The following NXPH1 variants were observed in gnomAD, a reference collection of about 807,000 sequenced individuals.
NXPH1 encodes the protein neurexophilin-1.
In NXPH1, 5 loss-of-function variants were observed where a neutral mutation model predicts 23.7. That is an observed-to-expected ratio of 0.21 (90% CI 0.11 to 0.44). The LOEUF is 0.44. NXPH1 is among the 20% of genes least tolerant of loss of function. NXPH1 has a pLI of 0.99. For missense variants in NXPH1, 324 were observed against 321.6 expected, an observed-to-expected ratio of 1.01 and a Z score of -0.06; for synonymous variants, 144 against 122.2, an observed-to-expected ratio of 1.18 and a Z score of -1.18.
chr7:8,613,494 G>T (rs1033911319), intron 2 of NXPH1, among the ~76,000 whole-genome samples: 1 of 151,690 alleles, frequency 6.6e-6, no homozygotes, highest in African/African-American at 2.4e-5. Context: ...GAACACAGAG[G>T]GTATTTTTAT....
intron 2 of NXPH1, among the ~76,000 whole-genome samples, chr7:8,615,934 G>A (rs1221167148): frequency 6.6e-6 from 1 of 152,060 alleles, no homozygotes; most frequent in Non-Finnish European, 1.5e-5. Context: ...AGGTGAAGCA[G>A]TAGACTTCTA....
At chr7:8,484,685 A>G (rs1817129350) in intron 2 of NXPH1, among the ~76,000 whole-genome samples, 1 of 152,172 alleles carries the variant, frequency 6.6e-6, no homozygotes, top group Non-Finnish European at 1.5e-5. Flanking sequence ...TCAAGGTATC[A>G]CTTTTGAGAA....
In NXPH1 at chr7:8,643,965, C is replaced by T. The variant is rs138299215; in HGVS notation, c.55-107043C>T. 1.3e-3 allele frequency among the ~76,000 whole-genome samples: 200 copies of T among 152,170 alleles called. 1 individual carries two copies. The highest frequency in any genetic ancestry group is 4.6e-3 in the African/African-American group (192 of 41,518). On this transcript the variant is annotated intron_variant, in intron 2 of 2. Coordinates refer to ENST00000405863, the MANE Select transcript of NXPH1 (RefSeq NM_152745.3). ...TTTTGCTAATAGTAATACTGTAGCA[C>T]GTGCTCATAGAGGGCTTTCTTTGGG...
At chr7:8,573,278 G>A (rs1008817608) in intron 2 of NXPH1, among the ~76,000 whole-genome samples, 1 of 152,024 alleles carries the variant, frequency 6.6e-6, no homozygotes, top group Non-Finnish European at 1.5e-5. Context: ...GGGTTTTTAT[G>A]TACTGATAAG....
intron 2 of NXPH1, among the ~76,000 whole-genome samples, chr7:8,474,939 G>A (rs1428620511): frequency 1.3e-5 from 2 of 152,086 alleles, no homozygotes; most frequent in Non-Finnish European, 2.9e-5. Context: ...CAGAATGAAT[G>A]CTCCTGAGGC....
At chr7:8,473,995 G>A (rs553013919) in intron 2 of NXPH1, among the ~76,000 whole-genome samples, 5 of 152,154 alleles carry the variant, frequency 3.3e-5, no homozygotes, top group Non-Finnish European at 7.4e-5. Context: ...ACTCACCAGT[G>A]AGTGGACAGC....
At chr7:8,524,689 T>G (rs912441673) in intron 2 of NXPH1, among the ~76,000 whole-genome samples, 6 of 152,184 alleles carry the variant, frequency 3.9e-5, no homozygotes, top group Non-Finnish European at 4.4e-5. Context: ...GGGGCCGATC[T>G]TTCCCATGCT....
At chr7:8,578,358 G>A (rs182250421) in intron 2 of NXPH1, among the ~76,000 whole-genome samples, 2 of 152,094 alleles carry the variant, frequency 1.3e-5, no homozygotes, top group Admixed American at 6.5e-5. Flanking sequence ...TCAAATCATC[G>A]TTAAGTCAGG....
chr7:8,448,682 C>T (rs529552469), intron 2 of NXPH1, among the ~76,000 whole-genome samples: 11 of 152,072 alleles, frequency 7.2e-5, no homozygotes, highest in Non-Finnish European at 1.3e-4. Flanking sequence ...CCGGGTGTGG[C>T]GGCACATGCC....
intron 2 of NXPH1, among the ~76,000 whole-genome samples, chr7:8,451,761 A>G (rs995098806): frequency 6.6e-6 from 1 of 152,224 alleles, no homozygotes; most frequent in Non-Finnish European, 1.5e-5. Flanking sequence ...TGATTAAATT[A>G]TATCATCGTC....
At chr7:8,570,312 A>G (rs1260807710) in intron 2 of NXPH1, among the ~76,000 whole-genome samples, 1 of 151,858 alleles carries the variant, frequency 6.6e-6, no homozygotes, top group Non-Finnish European at 1.5e-5. Context: ...CTAGCACTAG[A>G]CCTTTTGGAC....
At chr7:8,602,574 T>G (rs1819384831) in intron 2 of NXPH1, among the ~76,000 whole-genome samples, 1 of 152,244 alleles carries the variant, frequency 6.6e-6, no homozygotes, top group Admixed American at 6.5e-5. Flanking sequence ...TGCTTTACTC[T>G]GCTATTCAGC....
intron 2 of NXPH1, among the ~76,000 whole-genome samples, chr7:8,708,997 C>G (rs1287546315): frequency 6.6e-6 from 1 of 152,102 alleles, no homozygotes; most frequent in East Asian, 1.9e-4. Context: ...GCACTGGACA[C>G]CATGACCAAA....
chr7:8,598,855 A>G (rs1819290185), intron 2 of NXPH1, among the ~76,000 whole-genome samples: 1 of 152,072 alleles, frequency 6.6e-6, no homozygotes, highest in Non-Finnish European at 1.5e-5. Context: ...AGCCAGCCTA[A>G]TTGCTTCTGA....
At chr7:8,527,049 CAA>C (rs34797196) in intron 2 of NXPH1, among the ~76,000 whole-genome samples, 4 of 150,956 alleles carry the variant, frequency 2.6e-5, no homozygotes, top group South Asian at 2.1e-4. Flanking sequence ...TGCCCCTTAC[CAA>C]AAAAAAAATG....
chr7:8,722,629 T>G (rs1164371569), intron 2 of NXPH1, among the ~76,000 whole-genome samples: 1 of 152,220 alleles, frequency 6.6e-6, no homozygotes. Context: ...GCCAGCAAAG[T>G]TAAGCAAGTT....
intron 2 of NXPH1, among the ~76,000 whole-genome samples, chr7:8,652,088 G>T (rs548524678): frequency 6.6e-6 from 1 of 152,060 alleles, no homozygotes; most frequent in African/African-American, 2.4e-5. Flanking sequence ...ATTTACGAAG[G>T]ACTTATTCAC....
chr7:8,611,321 T>C (rs1819615119), intron 2 of NXPH1, among the ~76,000 whole-genome samples: 1 of 152,190 alleles, frequency 6.6e-6, no homozygotes, highest in African/African-American at 2.4e-5. Context: ...CAATTACCTC[T>C]GTCTTCCTTT....
At chr7:8,729,229 T>A (rs1194610804) in intron 2 of NXPH1, among the ~76,000 whole-genome samples, 2 of 150,708 alleles carry the variant, frequency 1.3e-5, no homozygotes, top group African/African-American at 5.0e-5. Flanking sequence ...TTCTTCTCTC[T>A]TTTTTTCTTT....
Sources: allele counts gnomAD v4.1 joint callset (sites outside exome capture counted in the v4.1 genomes callset), GRCh38; gene constraint gnomAD v4.1.1; transcripts MANE v1.5; gene names NCBI Gene and HGNC (gene_info 2026-07-23, HGNC 2026-07-21).